Variants in DIAPH2 observed in about 807,000 individuals in gnomAD.
DIAPH2 encodes the protein diaphanous related formin 2.
In DIAPH2, 35 loss-of-function variants were observed where a neutral mutation model predicts 92.7. The observed-to-expected ratio is 0.38, with a 90% CI of 0.29 to 0.50. The LOEUF (loss-of-function observed/expected upper bound fraction) is 0.50, where lower values mean the gene tolerates loss of function less well. Ranked by LOEUF, DIAPH2 falls within the 20% of genes least tolerant of loss-of-function variation. The pLI, the probability that DIAPH2 is intolerant of heterozygous loss-of-function variation, is 0.94. For synonymous variants in DIAPH2, 301 were observed against 280.4 expected (o/e 1.07, Z -0.73); for missense variants, 701 against 819.5 (o/e 0.86, Z 1.77).
intron 3 of DIAPH2, among the ~76,000 whole-genome samples, chrX:96,752,328 G>T (rs2064199588): frequency 8.9e-6 from 1 of 111,778 alleles, no homozygotes; most frequent in African/African-American, 3.3e-5. Flanking sequence ...TGATTCTAAA[G>T]CAAGTTAATA....
intron 20 of DIAPH2, 48 bp from the exon 21 acceptor site, chrX:97,114,678 T>C (rs776644547): frequency 9.2e-7 from 1 of 1,087,431 alleles, no homozygotes; most frequent in East Asian, 3.1e-5. Flanking sequence ...AGAGATAAAA[T>C]AAGAGGCATT....
chrX:97,436,330 C>T (rs1302032522), intron 26 of DIAPH2, among the ~76,000 whole-genome samples: 1 of 110,820 alleles, frequency 9.0e-6, no homozygotes, highest in Non-Finnish European at 1.9e-5. Flanking sequence ...TAAAAAAACA[C>T]ACAAGAGAAG....
At chrX:97,176,114 T>C (rs1399481970) in intron 22 of DIAPH2, among the ~76,000 whole-genome samples, 2 of 112,079 alleles carry the variant, frequency 1.8e-5, no homozygotes, top group East Asian at 5.6e-4. Flanking sequence ...GATTAGAGAA[T>C]GAAAATAAAA....
At chrX:97,282,034 G>GA (rs1387944018) in intron 23 of DIAPH2, among the ~76,000 whole-genome samples, 8 of 108,194 alleles carry the variant, frequency 7.4e-5, no homozygotes, top group Middle Eastern at 4.7e-3. Flanking sequence ...AAGAAAAAAA[G>GA]AAAAAAAAAG....
intron 1 of DIAPH2, among the ~76,000 whole-genome samples, chrX:96,723,246 G>A (rs776559427): frequency 8.9e-6 from 1 of 111,828 alleles, no homozygotes; most frequent in East Asian, 2.8e-4. Context: ...TACTCTAGAG[G>A]CAGTGTTTAT....
intron 21 of DIAPH2, among the ~76,000 whole-genome samples, chrX:97,119,264 TCTC>T (rs1390267170): frequency 9.0e-6 from 1 of 111,462 alleles, no homozygotes; most frequent in Non-Finnish European, 1.9e-5. Flanking sequence ...GATGTAGTAC[TCTC>T]CTCCTTTTCC....
chrX:97,352,321 G>T (rs140039898), intron 24 of DIAPH2, among the ~76,000 whole-genome samples: 1,128 of 110,663 alleles, frequency 0.01, 18 homozygotes, highest in African/African-American at 0.034. Context: ...ACAAATAAAA[G>T]AATTTGACAT....
At chrX:97,430,818 AAT>A (rs1238328009) in intron 26 of DIAPH2, among the ~76,000 whole-genome samples, 1 of 112,103 alleles carries the variant, frequency 8.9e-6, no homozygotes, top group African/African-American at 3.2e-5. Context: ...GGCAGAAGAC[AAT>A]ATATGTTATA....
At chrX:97,464,214 C>T (rs1320071035) in intron 26 of DIAPH2, among the ~76,000 whole-genome samples, 2 of 102,653 alleles carry the variant, frequency 1.9e-5, no homozygotes, top group Non-Finnish European at 3.9e-5. Context: ...CCTGTAATCC[C>T]AGCACTTTGG....
intron 22 of DIAPH2, among the ~76,000 whole-genome samples, chrX:97,201,131 A>ACCC (rs58996513): frequency 0.05 from 3,432 of 68,577 alleles, 160 homozygotes; most frequent in African/African-American, 0.12. Flanking sequence ...AACAAGAAAG[A>ACCC]CCCCCCCCCC....
At chrX:96,972,501 G>A (rs1180979056) in intron 17 of DIAPH2, among the ~76,000 whole-genome samples, 1 of 111,310 alleles carries the variant, frequency 9.0e-6, no homozygotes, top group Non-Finnish European at 1.9e-5. Flanking sequence ...AGTTTGTAGA[G>A]TATCTATTAT....
At chrX:96,833,569 C>T (rs1203087347) in intron 4 of DIAPH2, among the ~76,000 whole-genome samples, 1 of 111,605 alleles carries the variant, frequency 9.0e-6, no homozygotes, top group African/African-American at 3.3e-5. Flanking sequence ...AAAATCATTA[C>T]GTCATTATAT....
At chrX:97,208,527 G>A (rs751454492) in intron 22 of DIAPH2, among the ~76,000 whole-genome samples, 13 of 111,944 alleles carry the variant, frequency 1.2e-4, no homozygotes, top group Non-Finnish European at 2.1e-4. Context: ...TATTAGATAA[G>A]GAGTGCTTTT....
intron 21 of DIAPH2, among the ~76,000 whole-genome samples, chrX:97,129,294 G>A (rs2067121163): frequency 9.2e-6 from 1 of 108,211 alleles, no homozygotes; most frequent in Non-Finnish European, 1.9e-5. Context: ...AGCCTCCCGA[G>A]TAGCTGAGAC....
intron 21 of DIAPH2, among the ~76,000 whole-genome samples, chrX:97,139,218 A>G (rs779764720): frequency 3.6e-5 from 4 of 109,907 alleles, no homozygotes; most frequent in South Asian, 3.9e-4. Flanking sequence ...GAGAGATACA[A>G]TGGCTAATGT....
chrX:97,116,542 A>G (rs1397095777), intron 21 of DIAPH2, among the ~76,000 whole-genome samples: 1 of 111,748 alleles, frequency 8.9e-6, no homozygotes, highest in Non-Finnish European at 1.9e-5. Context: ...CCATATCCCC[A>G]ATGTTAATAG....
intron 26 of DIAPH2, among the ~76,000 whole-genome samples, chrX:97,490,536 A>G (rs1286434778): frequency 1.9e-5 from 2 of 106,003 alleles, no homozygotes; most frequent in Non-Finnish European, 3.9e-5. Flanking sequence ...TAATGTAGGC[A>G]TTTTATCACC....
chrX:96,989,190 T>C (rs2066051827), intron 17 of DIAPH2, among the ~76,000 whole-genome samples: 1 of 111,897 alleles, frequency 8.9e-6, no homozygotes, highest in African/African-American at 3.2e-5. Flanking sequence ...TTATTAATTA[T>C]TGACAAACTG....
intron 23 of DIAPH2, among the ~76,000 whole-genome samples, chrX:97,327,995 G>A (rs1340649119): frequency 8.9e-6 from 1 of 112,463 alleles, no homozygotes; most frequent in East Asian, 2.8e-4. Context: ...TAAAAACAAA[G>A]ATGTTCCTCC....
Sources: allele counts gnomAD v4.1 joint callset (sites outside exome capture counted in the v4.1 genomes callset), GRCh38; gene constraint gnomAD v4.1.1; transcripts MANE v1.5; gene names NCBI Gene and HGNC (gene_info 2026-07-23, HGNC 2026-07-21).